The following EMILIN2 variants were observed in gnomAD, a reference collection of about 807,000 sequenced individuals.
The protein encoded by EMILIN2 is elastin microfibril interfacer 2.
EMILIN2 carries 71 observed loss-of-function variants against 87.1 expected under a neutral mutation model. The ratio of observed to expected loss-of-function variants is 0.82; its 90% CI spans 0.67 to 0.99. EMILIN2 has a LOEUF of 0.99. Ranked by LOEUF, EMILIN2 falls within the 50% of genes least tolerant of loss-of-function variation. The pLI, the probability that EMILIN2 is intolerant of heterozygous loss-of-function variation, is 0.00. For missense variants in EMILIN2, 1,407 were observed against 1,371.8 expected, an observed-to-expected ratio of 1.03 and a Z score of -0.40; for synonymous variants, 581 against 563.4, an observed-to-expected ratio of 1.03 and a Z score of -0.44.
In EMILIN2 at chr18:2,890,574, C is replaced by T; in HGVS notation, c.447C>T (p.Ser149=). 1 of 1,571,870 alleles carries T rather than the reference C, an allele frequency of 6.4e-7. No individual in the cohort carries two copies. Among genetic ancestry groups the T allele is most frequent in the Non-Finnish European group, 8.7e-7 (1 of 1,155,208 alleles). ...SLKKATDNEP[S]QFSEPRKTLS... is the part of the protein sequence containing the mutation. ...TCTTTGTAACAGATAATGAACCCAG[C>T]CAATTCTCAGAGCCCAGGAAGACTT... The change falls in exon 4 of 8, where the codon AGC becomes AGT. Residue 149 remains serine (S), a synonymous_variant. Transcript: ENST00000254528. The surrounding 1 kb of genome is among the most constrained non-coding windows in gnomAD (Gnocchi z 4.7).
At chr18:2,872,395 A>C (rs2076724246) in intron 2 of EMILIN2, among the ~76,000 whole-genome samples, 1 of 152,160 alleles carries the variant, frequency 6.6e-6, no homozygotes, top group Admixed American at 6.5e-5. Context: ...GTTTTTTTAA[A>C]ATAAAAAATT....
intron 4 of EMILIN2, among the ~76,000 whole-genome samples, chr18:2,901,085 T>C (rs1346094566): frequency 6.6e-6 from 1 of 152,248 alleles, no homozygotes; most frequent in African/African-American, 2.4e-5. Context: ...GGCATCAATT[T>C]CTGCCTGGAT....
chr18:2,907,273 G>T (rs1029877675), intron 5 of EMILIN2, among the ~76,000 whole-genome samples, 188 bp downstream of exon 5: 27 of 152,244 alleles, frequency 1.8e-4, no homozygotes, highest in Non-Finnish European at 1.0e-4. Flanking sequence ...CGGAGGCCGG[G>T]GCACCTCAGG....
Position 2,892,466 on chromosome 18 carries a change from T to C in EMILIN2, c.2339T>C (p.Val780Ala), listed in dbSNP as rs1306540654. The C allele has an allele frequency of 1.3e-6, 2 of 1,595,636 alleles. No homozygotes were observed. The highest frequency in any genetic ancestry group is 4.5e-5 in the East Asian group (2 of 44,368). The part of the protein sequence containing the change: ...FQISTDLQDL[V>A]KFQPSAKAPS... ...ATTTCTACTGATTTGCAAGATCTGGTCAAATTTCAGCCATCAGCAAGTAAG... is the reference window on the plus strand; with the variant it reads ...ATTTCTACTGATTTGCAAGATCTGGCCAAATTTCAGCCATCAGCAAGTAAG... Residue 780 changes from valine to alanine, a missense_variant, in exon 4 of 8, where the codon GTC becomes GCC. By Grantham distance (64) the Val-to-Ala change is moderately conservative. Transcript: ENST00000254528.
intron 4 of EMILIN2, among the ~76,000 whole-genome samples, chr18:2,893,603 C>G (rs1598500866): frequency 1.3e-5 from 2 of 152,320 alleles, no homozygotes; most frequent in East Asian, 3.9e-4. Context: ...AAGGACAGAG[C>G]TTCTCTTGTA....
At chr18:2,871,159 A>G (rs2076717816) in intron 2 of EMILIN2, among the ~76,000 whole-genome samples, 1 of 152,120 alleles carries the variant, frequency 6.6e-6, no homozygotes, top group Admixed American at 6.5e-5. Flanking sequence ...AGTCCAGAAC[A>G]CTGTGGTTGG....
At chr18:2,867,894 G>T (rs2076695111) in intron 2 of EMILIN2, among the ~76,000 whole-genome samples, 1 of 152,080 alleles carries the variant, frequency 6.6e-6, no homozygotes. Flanking sequence ...TGGTGGCCGG[G>T]CAGAGGGGCT....
At chr18:2,870,733 C>G (rs1417057241) in intron 2 of EMILIN2, among the ~76,000 whole-genome samples, 1 of 152,144 alleles carries the variant, frequency 6.6e-6, no homozygotes, top group Non-Finnish European at 1.5e-5. Flanking sequence ...CAGCGTAAGC[C>G]AAGACACACG....
chr18:2,896,308 T>G (rs1017337478), intron 4 of EMILIN2, among the ~76,000 whole-genome samples: 1 of 152,080 alleles, frequency 6.6e-6, no homozygotes, highest in African/African-American at 2.4e-5. Flanking sequence ...CCCAAGTAGC[T>G]GGGATTACAG....
intron 7 of EMILIN2, among the ~76,000 whole-genome samples, chr18:2,912,031 AC>A (rs2076943286): frequency 2.5e-5 from 2 of 79,610 alleles, no homozygotes; most frequent in Non-Finnish European, 4.9e-5. Flanking sequence ...CCTGACAACC[AC>A]TTTTTTTTTT....
chr18:2,902,649 G>A (rs954556664), intron 4 of EMILIN2, among the ~76,000 whole-genome samples: 4 of 152,218 alleles, frequency 2.6e-5, no homozygotes, highest in Admixed American at 6.5e-5. Flanking sequence ...GACTCAGAAC[G>A]TCAGGCCGGA....
chr18:2,854,410 A>AG (rs2076617028), intron 2 of EMILIN2, among the ~76,000 whole-genome samples: 1 of 152,044 alleles, frequency 6.6e-6, no homozygotes, highest in Non-Finnish European at 1.5e-5. Context: ...TCAGGTTCCG[A>AG]GGGGAGCAGA....
At chr18:2,854,723 G>C (rs2076618575) in intron 2 of EMILIN2, among the ~76,000 whole-genome samples, 1 of 152,174 alleles carries the variant, frequency 6.6e-6, no homozygotes, top group Admixed American at 6.5e-5. Context: ...GAGCCTGGGA[G>C]TTGAAGGCTG....
intron 4 of EMILIN2, among the ~76,000 whole-genome samples, chr18:2,904,248 C>A (rs939836604): frequency 1.3e-5 from 2 of 152,120 alleles, no homozygotes; most frequent in African/African-American, 4.8e-5. Flanking sequence ...TTTGTAATAT[C>A]TCCTTTTTAT....
chr18:2,877,224 G>A (rs573697085), intron 2 of EMILIN2, among the ~76,000 whole-genome samples: 3 of 152,168 alleles, frequency 2.0e-5, no homozygotes, highest in Non-Finnish European at 4.4e-5. Context: ...ACTGTCAGTA[G>A]GACAAAGTAG....
In EMILIN2 at chr18:2,892,387, G is replaced by C. The variant is rs1031831897; in HGVS notation, c.2260G>C (p.Asp754His). 6.2e-6 allele frequency: 10 copies of C among 1,613,998 alleles called. No individual in the cohort carries two copies. Among genetic ancestry groups the C allele is most frequent in the Non-Finnish European group, 8.5e-6 (10 of 1,180,050 alleles). The change falls in exon 4 of 8, where the codon GAC becomes CAC. Residue 754 changes from aspartate to histidine, a missense_variant. Physicochemically the swap from Asp to His is moderately conservative, Grantham distance 81. Transcript: ENST00000254528. The stretch of plus-strand genomic sequence containing the variant: ...CGGAACGCTCAGGTCGCATTCCAGA[G>C]ACATTTCTGGCCTGAAGAATTCAGT... Reference protein sequence around the residue: ...MNGTLRSHSRDISGLKNSVQQ... With the variant: ...MNGTLRSHSRHISGLKNSVQQ...
chr18:2,869,963 T>G (rs1254932290), intron 2 of EMILIN2, among the ~76,000 whole-genome samples: 1 of 152,114 alleles, frequency 6.6e-6, no homozygotes, highest in East Asian at 1.9e-4. Context: ...AATAATGGAC[T>G]AGGCATGGTG....
In EMILIN2 at chr18:2,907,084, A is replaced by C; in HGVS notation, c.2661A>C (p.Pro887=). ...VPGAEGFAGA[P]GYPKSPPVAS... is the part of the protein sequence containing the mutation. ...GCGCAGAAGGCTTCGCGGGCGCACC[A>C]GGTGAGGCCCGGGGCTGCGCGGGGA... Residue 887 remains proline (P), a splice_region_variant and synonymous_variant, in exon 5 of 8, where the codon CCA becomes CCC. Coordinates refer to ENST00000254528, the MANE Select transcript of EMILIN2 (RefSeq NM_032048.3). 1 of 1,249,248 alleles carries C rather than the reference A, an allele frequency of 8.0e-7. No individual in the cohort carries two copies. Among genetic ancestry groups the C allele is most frequent in the Non-Finnish European group, 1.0e-6 (1 of 998,620 alleles). The allele number at this position is 1,249,248 out of a possible 1,614,324, so 77.4% of individuals were successfully genotyped here.
intron 7 of EMILIN2, among the ~76,000 whole-genome samples, chr18:2,912,565 A>C (rs994024248): frequency 3.9e-5 from 6 of 152,048 alleles, no homozygotes; most frequent in African/African-American, 9.7e-5. Context: ...TTTGGCCACC[A>C]CTTCCTTTCC....
Sources: allele counts gnomAD v4.1 joint callset (sites outside exome capture counted in the v4.1 genomes callset), GRCh38; gene constraint gnomAD v4.1.1; non-coding constraint Gnocchi (gnomAD v3.1); transcripts MANE v1.5; gene names NCBI Gene and HGNC (gene_info 2026-07-23, HGNC 2026-07-21).